Variants in ANO4 observed in about 807,000 individuals in gnomAD.
ANO4 encodes anoctamin 4, also known as anoctamin-4.
Under a neutral mutation model 141.9 loss-of-function variants are expected in ANO4, and 69 were observed. That is an observed-to-expected ratio of 0.49 (90% CI 0.40 to 0.59). ANO4 has a LOEUF of 0.59. ANO4 is among the 20% of genes least tolerant of loss of function. The probability of loss-of-function intolerance (pLI) is 0.00; values close to 1 mark genes in which losing one functional copy is unlikely to be tolerated. For missense variants in ANO4, 894 were observed against 1,162.2 expected (o/e 0.77, Z 3.36); for synonymous variants, 350 against 394.3 (o/e 0.89, Z 1.33).
At chr12:100,798,071 T>C (rs1219400473) in intron 1 of ANO4, among the ~76,000 whole-genome samples, 6 of 152,228 alleles carry the variant, frequency 3.9e-5, no homozygotes, top group African/African-American at 1.4e-4. Context: ...TGCATTTTAA[T>C]TAATGACATT....
intron 17 of ANO4, among the ~76,000 whole-genome samples, chr12:101,089,905 AAAAC>A (rs1247922011): frequency 3.9e-5 from 6 of 152,238 alleles, no homozygotes; most frequent in African/African-American, 4.8e-5. Flanking sequence ...TTACAAGAAA[AAAAC>A]AAACAACCCC....
chr12:100,907,719 A>T (rs1201406935), intron 2 of ANO4, among the ~76,000 whole-genome samples: 1 of 152,214 alleles, frequency 6.6e-6, no homozygotes, highest in Non-Finnish European at 1.5e-5. Context: ...TAAGAAACTC[A>T]TCCCTAGCTA....
intron 23 of ANO4, 122 bp downstream of exon 23, chr12:101,110,678 T>G: frequency 1.1e-6 from 1 of 875,414 alleles, no homozygotes; most frequent in Non-Finnish European, 1.6e-6. Context: ...ACCTAATTTT[T>G]GCAAAGAATA....
intron 5 of ANO4, among the ~76,000 whole-genome samples, chr12:100,967,734 A>G (rs577588298): frequency 1.3e-5 from 2 of 152,332 alleles, no homozygotes; most frequent in African/African-American, 2.4e-5. Context: ...TTTGCTTTAC[A>G]TGAAGGAAAG....
chr12:100,740,950 C>G (rs79120032), intron 3 of ANO4, among the ~76,000 whole-genome samples: 3 of 151,984 alleles, frequency 2.0e-5, no homozygotes, highest in Non-Finnish European at 2.9e-5. Flanking sequence ...TTATCTGGCC[C>G]TTTATAGAAA....
In ANO4 at chr12:101,020,149, T is replaced by C. The variant is rs780490052; in HGVS notation, c.841+9T>C. ...AGGAAAAAACAAGATTGGTAAGTAG[T>C]ATGTTAGTATAACAAACTACATTTG... On this transcript the variant is annotated intron_variant, in intron 9 of 27. Transcript: ENST00000392977. 19 of 1,558,942 alleles carry C rather than the reference T, an allele frequency of 1.2e-5. No homozygotes were observed. Among genetic ancestry groups the C allele is most frequent in the Non-Finnish European group, 1.6e-5 (18 of 1,132,090 alleles).
At chr12:101,082,677 A>G (rs918723604) in intron 15 of ANO4, among the ~76,000 whole-genome samples, 12 of 152,252 alleles carry the variant, frequency 7.9e-5, no homozygotes, top group African/African-American at 2.4e-4. Flanking sequence ...GGCAGGAGCC[A>G]GGCTGAGCCA....
At chr12:100,866,373 C>T (rs563433020) in intron 1 of ANO4, among the ~76,000 whole-genome samples, 4 of 152,304 alleles carry the variant, frequency 2.6e-5, no homozygotes, top group East Asian at 3.9e-4. Flanking sequence ...CATGACTCCA[C>T]GTTCCCCTTA....
At chr12:101,048,207 A>G in intron 13 of ANO4, 134 bp from the exon 14 acceptor site, 2 of 1,094,984 alleles carry the variant, frequency 1.8e-6, no homozygotes, top group Non-Finnish European at 2.6e-6. Context: ...TTCAAAAGGA[A>G]TATTCCCCCT....
In ANO4 at chr12:100,948,647, G is replaced by A. The variant is rs369581365; in HGVS notation, c.456+6112G>A. ...AAGAAATATACAAAATTAAGATATTGTAGATGGTATTACAAATTTGACAAA... is the reference window on the plus strand; with the variant it reads ...AAGAAATATACAAAATTAAGATATTATAGATGGTATTACAAATTTGACAAA... On this transcript the variant is annotated intron_variant, in intron 5 of 27. Coordinates refer to ENST00000392977, the MANE Select transcript of ANO4 (RefSeq NM_001286615.2). Among the ~76,000 whole-genome samples, 71 of 152,230 alleles carry A rather than the reference G, an allele frequency of 4.7e-4. 1 individual carries two copies. In the Middle Eastern group the frequency reaches 0.01, roughly 22 times the overall value.
intron 2 of ANO4, among the ~76,000 whole-genome samples, chr12:100,739,083 A>G (rs1468988620): frequency 1.4e-5 from 2 of 141,806 alleles, no homozygotes; most frequent in Non-Finnish European, 3.1e-5. Flanking sequence ...CTAAATCTTT[A>G]TGTATATATA....
At chr12:100,960,459 A>G (rs577670857) in intron 5 of ANO4, among the ~76,000 whole-genome samples, 3 of 152,224 alleles carry the variant, frequency 2.0e-5, no homozygotes, top group African/African-American at 4.8e-5. Context: ...GCCCTGTAAC[A>G]TCCTCTAATT....
intron 1 of ANO4, among the ~76,000 whole-genome samples, chr12:100,853,987 T>C (rs1464378664): frequency 1.3e-5 from 2 of 152,180 alleles, no homozygotes; most frequent in Non-Finnish European, 2.9e-5. Context: ...AGTTTATTTA[T>C]GTATTATTGT....
At chr12:101,021,509 C>T (rs960170273) in intron 9 of ANO4, among the ~76,000 whole-genome samples, 4 of 152,106 alleles carry the variant, frequency 2.6e-5, no homozygotes, top group African/African-American at 9.7e-5. Flanking sequence ...GCAAAGCAGG[C>T]AATGAAGGTG....
At position 101,094,129 on chromosome 12, in the gene ANO4, A is replaced by G. The variant is rs998868688; in HGVS notation, c.1702-127A>G. ...TGAGATTTCTATACACAATGTTTTC[A>G]TTGGTTGAGCAATGGATGCTTAATG... On this transcript the variant is annotated intron_variant, in intron 17 of 27. Transcript: ENST00000392977. 18 of 694,388 alleles carry G rather than the reference A, an allele frequency of 2.6e-5. No homozygotes were observed. In the African/African-American group the frequency reaches 3.2e-4, roughly 13 times the overall value. The allele number at this position is 694,388 out of a possible 1,614,324, so 43.0% of individuals were successfully genotyped here.
intron 7 of ANO4, among the ~76,000 whole-genome samples, chr12:100,976,490 T>C (rs1794977183): frequency 6.6e-6 from 1 of 152,222 alleles, no homozygotes; most frequent in Non-Finnish European, 1.5e-5. Flanking sequence ...ACAATCCTGA[T>C]ATAACAGTTT....
intron 1 of ANO4, chr12:100,858,998 GGA>G (rs2038332079): frequency 6.6e-6 from 1 of 152,170 alleles, no homozygotes; most frequent in African/African-American, 2.4e-5. Flanking sequence ...GAATGCTTGA[GGA>G]AGTCAAGTCT....
At chr12:101,116,349 A>G (rs773211273) in intron 24 of ANO4, among the ~76,000 whole-genome samples, 1 of 152,226 alleles carries the variant, frequency 6.6e-6, no homozygotes, top group African/African-American at 2.4e-5. Context: ...GTTTATGTGT[A>G]TCATCAACAA....
chr12:101,126,753 C>T (rs568161131), intron 26 of ANO4, 126 bp from the exon 27 acceptor site: 59 of 784,264 alleles, frequency 7.5e-5, no homozygotes, highest in Middle Eastern at 2.5e-4. Context: ...GCATTACACA[C>T]GCCTCCCCTG....
Sources: gnomAD v4.1 joint callset for allele counts (sites outside exome capture counted in the v4.1 genomes callset) on GRCh38, gnomAD v4.1.1 for gene constraint, MANE v1.5 for transcripts, NCBI Gene and HGNC (gene_info 2026-07-23, HGNC 2026-07-21) for gene names.